The following KIZ variants were observed in gnomAD, a reference collection of about 807,000 sequenced individuals.
KIZ encodes centrosomal protein kizuna.
Under a neutral mutation model 79.6 loss-of-function variants are expected in KIZ, and 68 were observed. The ratio of observed to expected loss-of-function variants is 0.85; its 90% CI spans 0.70 to 1.05. The LOEUF is 1.05. Among genes scored for constraint, KIZ ranks in the 50% least tolerant of loss-of-function variants. The probability of loss-of-function intolerance (pLI) is 0.00; values close to 1 mark genes in which losing one functional copy is unlikely to be tolerated. For synonymous variants in KIZ, 280 were observed against 281.8 expected, an observed-to-expected ratio of 0.99 and a Z score of 0.06; for missense variants, 797 against 800.4, an observed-to-expected ratio of 1.00 and a Z score of 0.05.
At chr20:21,232,353 A>G (rs1279623706) in intron 10 of KIZ, among the ~76,000 whole-genome samples, 1 of 152,220 alleles carries the variant, frequency 6.6e-6, no homozygotes, top group Non-Finnish European at 1.5e-5. Context: ...ACTGTTATCC[A>G]TGGGTCTCAA....
Position 21,205,561 on chromosome 20 carries a change from C to A in KIZ, c.1423C>A (p.His475Asn). The change falls in exon 7 of 13, where the codon CAT (histidine) becomes AAT (asparagine). Residue 475 changes from histidine (H) to asparagine (N), a missense_variant. Physicochemically the swap from His to Asn is moderately conservative, Grantham distance 68. Transcript: ENST00000619189. The part of the protein sequence containing the change: ...VGQHVATLKE[H>N]DNSVKEEATA... ...TCAGCATGTTGCCACCTTGAAAGAACATGATAATTCTGTCAAAGAAGAGGT... is the reference window on the plus strand; with the variant it reads ...TCAGCATGTTGCCACCTTGAAAGAAAATGATAATTCTGTCAAAGAAGAGGT... The A allele has an allele frequency of 6.5e-7, 1 of 1,535,314 alleles. No individual in the cohort carries two copies.
At chr20:21,168,070 A>C (rs547769083) in intron 6 of KIZ, among the ~76,000 whole-genome samples, 1 of 150,728 alleles carries the variant, frequency 6.6e-6, no homozygotes. Context: ...ATCCCTCCCC[A>C]CTCCCCTACC....
intron 6 of KIZ, among the ~76,000 whole-genome samples, chr20:21,180,453 G>A (rs1214795678): frequency 6.6e-6 from 1 of 152,092 alleles, no homozygotes; most frequent in Non-Finnish European, 1.5e-5. Context: ...TGCAAGGGGA[G>A]GAAAAGTCAG....
chr20:21,229,776 A>G (rs1453494424), intron 10 of KIZ, among the ~76,000 whole-genome samples: 2 of 151,978 alleles, frequency 1.3e-5, no homozygotes, highest in Non-Finnish European at 2.9e-5. Context: ...GGGTTTTGCC[A>G]TGTTGCTCAG....
intron 6 of KIZ, among the ~76,000 whole-genome samples, chr20:21,186,474 C>CT (rs747213335): frequency 7.3e-5 from 11 of 151,620 alleles, no homozygotes; most frequent in Non-Finnish European, 1.6e-4. Flanking sequence ...CCCCTAAACT[C>CT]TGACACTGAC....
chr20:21,204,099 A>T (rs1179512175), intron 6 of KIZ, among the ~76,000 whole-genome samples: 1 of 136,552 alleles, frequency 7.3e-6, no homozygotes. Flanking sequence ...CTTAAGAGTC[A>T]TCTATGTTTT....
chr20:21,126,004 C>A, upstream of KIZ: 2 of 1,325,328 alleles, frequency 1.5e-6, no homozygotes, highest in Non-Finnish European at 1.9e-6. Context: ...CCGCCTCCTG[C>A]AGGCGGCCCG....
At chr20:21,189,508 C>T (rs949954352) in intron 6 of KIZ, among the ~76,000 whole-genome samples, 7 of 152,276 alleles carry the variant, frequency 4.6e-5, no homozygotes, top group Admixed American at 2.0e-4. Context: ...ATTAAAAATT[C>T]TCCCAAGCCT....
At chr20:21,236,806 C>A (rs1286880551) in intron 11 of KIZ, among the ~76,000 whole-genome samples, 3 of 151,842 alleles carry the variant, frequency 2.0e-5, no homozygotes, top group Admixed American at 1.3e-4. Flanking sequence ...ACCAGCCTGG[C>A]CAACATGGTG....
intron 10 of KIZ, among the ~76,000 whole-genome samples, chr20:21,230,807 A>G (rs1237530661): frequency 6.6e-6 from 1 of 152,192 alleles, no homozygotes. Context: ...GCAAACTCTT[A>G]ACTGTTTGCT....
chr20:21,172,102 G>A (rs6082339), intron 6 of KIZ, among the ~76,000 whole-genome samples: 87,907 of 152,068 alleles, frequency 0.58, 27,068 homozygotes, highest in South Asian at 0.78. Flanking sequence ...AGCATGAGAT[G>A]TAATGACTTG....
chr20:21,148,675 C>A (rs1359709259), intron 4 of KIZ: 1 of 152,146 alleles, frequency 6.6e-6, no homozygotes, highest in Non-Finnish European at 1.5e-5. Flanking sequence ...CATAAAAACA[C>A]ATAAAAATGT....
intron 1 of KIZ, 110 bp downstream of exon 1, chr20:21,126,314 C>G: frequency 1.4e-6 from 1 of 724,058 alleles, no homozygotes; most frequent in Non-Finnish European, 2.0e-6. Flanking sequence ...GGGGCCCAGG[C>G]CCGCGCGCAA....
intron 12 of KIZ, 81 bp downstream of exon 12, chr20:21,244,369 C>A (rs1473993859): frequency 1.0e-6 from 1 of 996,684 alleles, no homozygotes; most frequent in Non-Finnish European, 1.6e-6. Context: ...TTGTTTGCAC[C>A]CTCATGTGAG....
intron 11 of KIZ, among the ~76,000 whole-genome samples, chr20:21,240,380 TCCCAAAGTGCTGGGCTTATG>T (rs1427775101): frequency 6.6e-6 from 1 of 152,226 alleles, no homozygotes; most frequent in Non-Finnish European, 1.5e-5. Context: ...CGCCTCAGCC[TCCCAAAGTGCTGGGCTTATG>T]CCACCACACC....
chr20:21,157,015 T>G (rs937674878), intron 4 of KIZ, among the ~76,000 whole-genome samples: 5 of 152,150 alleles, frequency 3.3e-5, no homozygotes, highest in Non-Finnish European at 7.4e-5. Flanking sequence ...TCCCAGCTAC[T>G]TGGGAGACTG....
At chr20:21,234,932 G>A (rs1037738115) in intron 11 of KIZ, among the ~76,000 whole-genome samples, 3 of 152,190 alleles carry the variant, frequency 2.0e-5, no homozygotes, top group African/African-American at 4.8e-5. Context: ...CTCATTATGT[G>A]TGGGCCTGAT....
chr20:21,192,608 A>C (rs1424097722), intron 6 of KIZ, among the ~76,000 whole-genome samples: 3 of 152,218 alleles, frequency 2.0e-5, no homozygotes, highest in Non-Finnish European at 2.9e-5. Context: ...AGTTTCCCTG[A>C]AAAATGAACT....
At chr20:21,159,860 C>T (rs1012670600) in intron 4 of KIZ, among the ~76,000 whole-genome samples, 1 of 152,196 alleles carries the variant, frequency 6.6e-6, no homozygotes, top group Non-Finnish European at 1.5e-5. Flanking sequence ...TGTTTACACT[C>T]TCCGTACTTC....
Sources: allele counts gnomAD v4.1 joint callset (sites outside exome capture counted in the v4.1 genomes callset), GRCh38; gene constraint gnomAD v4.1.1; transcripts MANE v1.5; gene names NCBI Gene and HGNC (gene_info 2026-07-23, HGNC 2026-07-21).